Variants in XXYLT1 observed in about 807,000 individuals in gnomAD.
The protein encoded by XXYLT1 is xyloside xylosyltransferase 1.
In XXYLT1, 20 loss-of-function variants were observed where a neutral mutation model predicts 28.9. The ratio of observed to expected loss-of-function variants is 0.69; its 90% confidence interval spans 0.49 to 1.00. XXYLT1 has a LOEUF of 1.00. XXYLT1 is among the 50% of genes least tolerant of loss of function. The pLI, the probability that XXYLT1 is intolerant of heterozygous loss-of-function variation, is 0.00. For synonymous variants in XXYLT1, 257 were observed against 253.8 expected, an observed-to-expected ratio of 1.01 and a Z score of -0.12; for missense variants, 542 against 560.1, an observed-to-expected ratio of 0.97 and a Z score of 0.33.
chr3:195,231,791 G>C (rs533212891), intron 1 of XXYLT1, among the ~76,000 whole-genome samples: 1 of 150,058 alleles, frequency 6.7e-6, no homozygotes, highest in African/African-American at 2.5e-5. Flanking sequence ...ACTTTGGTTT[G>C]TTAGCATTTT....
chr3:195,148,295 C>G (rs183623131), intron 3 of XXYLT1, among the ~76,000 whole-genome samples: 20 of 152,310 alleles, frequency 1.3e-4, no homozygotes, highest in Non-Finnish European at 2.6e-4. Context: ...TATAGCACGG[C>G]CTCCAGGTCA....
chr3:195,231,167 G>C (rs1323916564), intron 1 of XXYLT1, among the ~76,000 whole-genome samples: 3 of 151,972 alleles, frequency 2.0e-5, no homozygotes, highest in African/African-American at 7.2e-5. Flanking sequence ...TTCTTTTTCA[G>C]ATTGTTCACT....
At chr3:195,175,301 C>A (rs1160063446) in intron 2 of XXYLT1, among the ~76,000 whole-genome samples, 1 of 152,212 alleles carries the variant, frequency 6.6e-6, no homozygotes, top group Non-Finnish European at 1.5e-5. Flanking sequence ...GGCCACGCAG[C>A]GTGCACTGGC....
rs942593021 is a variant in XXYLT1 at position 195,257,787 on chromosome 3, C to G, written c.504+12768G>C. Among the ~76,000 whole-genome samples the G allele has an allele frequency of 1.3e-5, 2 of 152,100 alleles. No homozygotes were observed. Among genetic ancestry groups the G allele is most frequent in the African/African-American group, 4.8e-5 (2 of 41,414 alleles). ...CTGGTCATGACTCTCCTGCCAGGGA[C>G]AGAAGACAGAGCCAGTCTGTGGCTC... On this transcript the variant is annotated intron_variant, in intron 1 of 3. Coordinates refer to ENST00000310380, the MANE Select transcript of XXYLT1 (RefSeq NM_152531.5). The surrounding 1 kb of genome is among the most constrained non-coding windows in gnomAD (Gnocchi z 4.3).
intron 1 of XXYLT1, among the ~76,000 whole-genome samples, chr3:195,229,202 A>C (rs1724196500): frequency 6.6e-6 from 1 of 151,992 alleles, no homozygotes; most frequent in Admixed American, 6.6e-5. Flanking sequence ...GGTCTCTTTT[A>C]ATTTCTAAAA....
chr3:195,194,012 T>C lies in XXYLT1; in HGVS notation c.652+32697A>G, dbSNP rs141178256. ...TTGGGTTAGGCAAAGAATTCTTAGA[T>C]AATGACACAAAAAGCCCTATCCATA... On this transcript the variant is annotated intron_variant, in intron 2 of 3. Coordinates refer to ENST00000310380, the MANE Select transcript of XXYLT1 (RefSeq NM_152531.5). Among the ~76,000 whole-genome samples, 17 of 152,016 alleles carry C rather than the reference T, an allele frequency of 1.1e-4. No individual in the cohort carries two copies. In the East Asian group the frequency reaches 3.1e-3, roughly 28 times the overall value.
intron 1 of XXYLT1, among the ~76,000 whole-genome samples, chr3:195,267,787 C>G (rs1389523720): frequency 6.6e-6 from 1 of 152,158 alleles, no homozygotes; most frequent in East Asian, 1.9e-4. Flanking sequence ...AAGCCGAGAC[C>G]TGAAAGCTGA....
chr3:195,243,407 T>C (rs1423190516), intron 1 of XXYLT1, among the ~76,000 whole-genome samples: 1 of 149,426 alleles, frequency 6.7e-6, no homozygotes, highest in East Asian at 2.0e-4. Flanking sequence ...TATAAGAAAA[T>C]TTCCACCGAG....
intron 3 of XXYLT1, among the ~76,000 whole-genome samples, chr3:195,097,353 C>T (rs1040068545): frequency 4.6e-5 from 7 of 152,076 alleles, no homozygotes; most frequent in Non-Finnish European, 5.9e-5. Context: ...CTTTGTGACG[C>T]GGGTTACAGC....
chr3:195,089,533 A>G (rs947641014), intron 3 of XXYLT1, among the ~76,000 whole-genome samples: 3 of 152,158 alleles, frequency 2.0e-5, no homozygotes, highest in African/African-American at 7.2e-5. Context: ...GAAGCGCTAA[A>G]CATGGAAGGG....
At chr3:195,122,173 A>G (rs1342653179) in intron 3 of XXYLT1, 18 of 702,868 alleles carry the variant, frequency 2.6e-5, no homozygotes, top group Non-Finnish European at 4.7e-5. Flanking sequence ...CTCTTTCATC[A>G]GGACACTCAT....
chr3:195,073,000 G>T (rs147929473), intron 3 of XXYLT1, among the ~76,000 whole-genome samples: 1 of 152,178 alleles, frequency 6.6e-6, no homozygotes, highest in Non-Finnish European at 1.5e-5. Context: ...ACAGCACAGC[G>T]TGGGTCACGA....
intron 3 of XXYLT1, among the ~76,000 whole-genome samples, chr3:195,108,578 C>T (rs1717275924): frequency 6.6e-6 from 1 of 152,212 alleles, no homozygotes; most frequent in South Asian, 2.1e-4. Context: ...TGTGAACACA[C>T]AGAGTGACTT....
chr3:195,242,747 T>G (rs1250133571), intron 1 of XXYLT1, among the ~76,000 whole-genome samples: 4 of 152,102 alleles, frequency 2.6e-5, no homozygotes, highest in Non-Finnish European at 5.9e-5. Flanking sequence ...CCTTAGCCCT[T>G]TTAATATGCA....
At position 195,115,125 on chromosome 3, in the gene XXYLT1, C is replaced by A. The variant is rs958022; in HGVS notation, c.785+41324G>T. 6.6e-6 allele frequency among the ~76,000 whole-genome samples: 1 copy of A among 152,172 alleles called. No homozygotes were observed. Among genetic ancestry groups the A allele is most frequent in the Non-Finnish European group, 1.5e-5 (1 of 68,034 alleles). On this transcript the variant is annotated intron_variant, in intron 3 of 3. Transcript: ENST00000310380. The surrounding 1 kb of genome is among the most constrained non-coding windows in gnomAD (Gnocchi z 4.2). ...CTAAGCTTCCCAGATGCCCAAACGG[C>A]GAGAGCTCGGGACGTGAATCAGGTG...
chr3:195,200,084 G>C (rs920684937), intron 2 of XXYLT1, among the ~76,000 whole-genome samples: 1 of 152,194 alleles, frequency 6.6e-6, no homozygotes, highest in African/African-American at 2.4e-5. Context: ...TTTTTCCATC[G>C]CTGCTTTTCA....
intron 2 of XXYLT1, among the ~76,000 whole-genome samples, chr3:195,160,170 C>T (rs1055191168): frequency 6.6e-6 from 1 of 152,168 alleles, no homozygotes; most frequent in Non-Finnish European, 1.5e-5. Context: ...TCTTAGCAGA[C>T]ACATCTTAAC....
Position 195,173,691 on chromosome 3 carries a change from G to A in XXYLT1, c.653-17110C>T, listed in dbSNP as rs1721522473. On this transcript the variant is annotated intron_variant, in intron 2 of 3. Coordinates refer to ENST00000310380, the MANE Select transcript of XXYLT1 (RefSeq NM_152531.5). The surrounding 1 kb of genome is among the most constrained non-coding windows in gnomAD (Gnocchi z 4.3). ...ACTCGGGGTAAAGTACGGGCTCAGG[G>A]GAATCCTACTGAAAGGCATCGTGGA... is the stretch of plus-strand genomic sequence containing the variant. 6.6e-6 allele frequency among the ~76,000 whole-genome samples: 1 copy of A among 152,174 alleles called. No homozygotes were observed. Among genetic ancestry groups the A allele is most frequent in the Non-Finnish European group, 1.5e-5 (1 of 68,036 alleles).
rs189845997 is a variant in XXYLT1 at position 195,229,216 on chromosome 3, T to G, written c.505-2360A>C. On this transcript the variant is annotated intron_variant, in intron 1 of 3. Coordinates refer to ENST00000310380, the MANE Select transcript of XXYLT1 (RefSeq NM_152531.5). ...GGGTCTCTTTTAATTTCTAAAACAC[T>G]ATTAAATTTAGAAAAACTTTGTTAC... Among the ~76,000 whole-genome samples, 782 of 152,344 alleles carry G rather than the reference T, an allele frequency of 5.1e-3. 5 individuals carry two copies. Among genetic ancestry groups the G allele is most frequent in the South Asian group, 0.012 (59 of 4,828 alleles).
Sources: gnomAD v4.1 joint callset for allele counts (sites outside exome capture counted in the v4.1 genomes callset) on GRCh38, gnomAD v4.1.1 for gene constraint, Gnocchi (gnomAD v3.1) non-coding constraint, MANE v1.5 for transcripts, NCBI Gene and HGNC (gene_info 2026-07-23, HGNC 2026-07-21) for gene names.